The following GRIN2A variants were observed in gnomAD, a reference collection of about 807,000 sequenced individuals.
GRIN2A encodes the protein glutamate receptor ionotropic, NMDA 2A.
A neutral mutation model predicts 113.4 loss-of-function variants in GRIN2A; 22 were observed. That is an observed-to-expected ratio of 0.19 (90% CI 0.14 to 0.28). The LOEUF (loss-of-function observed/expected upper bound fraction) is 0.28. Among genes scored for constraint, GRIN2A ranks in the 10% least tolerant of loss-of-function variants. GRIN2A has a pLI of 1.00. For missense variants in GRIN2A, 1,502 were observed against 1,887.0 expected (o/e 0.80, Z 3.78); for synonymous variants, 827 against 738.4 (o/e 1.12, Z -1.94).
chr16:10,128,645 C>A (rs948417579), intron 2 of GRIN2A, among the ~76,000 whole-genome samples: 7 of 152,208 alleles, frequency 4.6e-5, no homozygotes, highest in African/African-American at 1.7e-4. Context: ...CCCCTCTCTC[C>A]AACAGATGAC....
chr16:9,904,937 T>A (rs2043998661), intron 3 of GRIN2A, among the ~76,000 whole-genome samples: 1 of 152,190 alleles, frequency 6.6e-6, no homozygotes, highest in African/African-American at 2.4e-5. Flanking sequence ...ATCCCAGTTG[T>A]CCCAGCACTG....
chr16:9,862,418 T>G (rs1309696881), intron 4 of GRIN2A, among the ~76,000 whole-genome samples: 1 of 152,230 alleles, frequency 6.6e-6, no homozygotes, highest in Non-Finnish European at 1.5e-5. Context: ...ATCTGGTAAT[T>G]CATAGAAACG....
At chr16:9,945,333 T>C (rs937137831) in intron 2 of GRIN2A, among the ~76,000 whole-genome samples, 1 of 151,472 alleles carries the variant, frequency 6.6e-6, no homozygotes, top group African/African-American at 2.4e-5. Flanking sequence ...AGGGGCGAGA[T>C]GAGAGTAGGG....
At chr16:10,041,227 A>G (rs1363648343) in intron 2 of GRIN2A, among the ~76,000 whole-genome samples, 1 of 152,220 alleles carries the variant, frequency 6.6e-6, no homozygotes, top group Non-Finnish European at 1.5e-5. Flanking sequence ...AATTCTTCCA[A>G]CAACCCAGCC....
chr16:10,142,609 A>G (rs2049349874), intron 2 of GRIN2A, among the ~76,000 whole-genome samples: 1 of 152,164 alleles, frequency 6.6e-6, no homozygotes, highest in Non-Finnish European at 1.5e-5. Context: ...TGAAGAGGGA[A>G]GATTGCTTGA....
At chr16:10,168,728 G>T (rs2049974778) in intron 2 of GRIN2A, among the ~76,000 whole-genome samples, 1 of 152,122 alleles carries the variant, frequency 6.6e-6, no homozygotes. Flanking sequence ...CACTTTAGGA[G>T]GCCAAAGCGG....
intron 9 of GRIN2A, among the ~76,000 whole-genome samples, chr16:9,825,903 A>C (rs994674467): frequency 6.6e-6 from 1 of 152,030 alleles, no homozygotes; most frequent in African/African-American, 2.4e-5. Context: ...AACTCAGTGC[A>C]ATAACATTTC....
At chr16:9,948,150 A>G (rs560791299) in intron 2 of GRIN2A, among the ~76,000 whole-genome samples, 116 of 152,100 alleles carry the variant, frequency 7.6e-4, no homozygotes, top group African/African-American at 2.7e-3. Context: ...CTTTGCAGGA[A>G]CCCTTTCAGT....
At chr16:9,866,889 T>C (rs949725024) in intron 4 of GRIN2A, among the ~76,000 whole-genome samples, 5 of 152,090 alleles carry the variant, frequency 3.3e-5, no homozygotes, top group Non-Finnish European at 7.4e-5. Flanking sequence ...CCCATTCCCA[T>C]GGGGGAAATT....
intron 2 of GRIN2A, among the ~76,000 whole-genome samples, chr16:10,010,854 C>T (rs1023201784): frequency 6.6e-6 from 1 of 152,206 alleles, no homozygotes; most frequent in Non-Finnish European, 1.5e-5. Context: ...GACTGCTATG[C>T]TGCACAACTC....
At chr16:9,821,612 G>A (rs2042286763) in intron 10 of GRIN2A, among the ~76,000 whole-genome samples, 1 of 152,048 alleles carries the variant, frequency 6.6e-6, no homozygotes, top group Non-Finnish European at 1.5e-5. Context: ...TCTCTCTTAG[G>A]TCCTATTATT....
At chr16:10,011,990 T>A (rs978473733) in intron 2 of GRIN2A, among the ~76,000 whole-genome samples, 5 of 152,132 alleles carry the variant, frequency 3.3e-5, no homozygotes, top group Non-Finnish European at 7.4e-5. Flanking sequence ...AACTAATGGA[T>A]CATGAGCAGC....
chr16:10,102,060 C>G (rs908178025), intron 2 of GRIN2A, among the ~76,000 whole-genome samples: 4 of 152,334 alleles, frequency 2.6e-5, no homozygotes, highest in South Asian at 4.1e-4. Context: ...ATCAGCTCAT[C>G]TAATCATCAC....
At chr16:10,049,825 ATT>A (rs1369162024) in intron 2 of GRIN2A, among the ~76,000 whole-genome samples, 1 of 152,086 alleles carries the variant, frequency 6.6e-6, no homozygotes, top group Non-Finnish European at 1.5e-5. Flanking sequence ...ATTTTGTGCA[ATT>A]TTTTTGTGAG....
chr16:10,070,771 A>G (rs1464466599), intron 2 of GRIN2A, among the ~76,000 whole-genome samples: 1 of 152,152 alleles, frequency 6.6e-6, no homozygotes, highest in African/African-American at 2.4e-5. Context: ...CAGCGGTTGG[A>G]TTAGCCAGTT....
chr16:10,137,776 A>G (rs185513475), intron 2 of GRIN2A, among the ~76,000 whole-genome samples: 20 of 152,326 alleles, frequency 1.3e-4, no homozygotes, highest in Admixed American at 9.8e-4. Flanking sequence ...AGAGTGTGAC[A>G]TGCTTAGCAC....
intron 2 of GRIN2A, 134 bp from the exon 3 acceptor site, chr16:9,938,685 T>C (rs1422133895): frequency 5.7e-6 from 4 of 704,764 alleles, no homozygotes; most frequent in East Asian, 5.4e-5. Context: ...ATCTACTATA[T>C]CCCAGACTCC....
chr16:10,027,746 C>T (rs1161482696), intron 2 of GRIN2A: 1 of 152,654 alleles, frequency 6.6e-6, no homozygotes, highest in Non-Finnish European at 1.5e-5. Context: ...TACCCTTACT[C>T]GTCACAAGCA....
Position 9,892,937 on chromosome 16 carries a change from A to G in GRIN2A, c.1008-1837T>C, listed in dbSNP as rs1369293998. Among the ~76,000 whole-genome samples the G allele has an allele frequency of 1.8e-4, 25 of 140,554 alleles. No homozygotes were observed. The South Asian group carries it at 5.4e-3, about 30-fold the overall frequency. The allele number at this position is 140,554 out of a possible 152,430, so 92.2% of individuals were successfully genotyped here. ...CATCCAGAGATGCTAAAAAGTGAAAAAAAAAAAAAAAAAGAAGAAGAAGAA... is the reference window on the plus strand; with the variant it reads ...CATCCAGAGATGCTAAAAAGTGAAAGAAAAAAAAAAAAAGAAGAAGAAGAA... On this transcript the variant is annotated intron_variant, in intron 3 of 12. Transcript: ENST00000330684.
Sources: gnomAD v4.1 joint callset for allele counts (sites outside exome capture counted in the v4.1 genomes callset) on GRCh38, gnomAD v4.1.1 for gene constraint, MANE v1.5 for transcripts, NCBI Gene and HGNC (gene_info 2026-07-23, HGNC 2026-07-21) for gene names.